Variants in TRPS1 observed in about 807,000 individuals in gnomAD.
The protein encoded by TRPS1 is transcriptional repressor GATA binding 1.
A neutral mutation model predicts 101.2 loss-of-function variants in TRPS1; 6 were observed. The ratio of observed to expected loss-of-function variants is 0.06; its 90% CI spans 0.03 to 0.12. The LOEUF is 0.12. TRPS1 is among the 10% of genes least tolerant of loss of function. TRPS1 has a pLI of 1.00. For synonymous variants in TRPS1, 578 were observed against 589.8 expected, an observed-to-expected ratio of 0.98 and a Z score of 0.29; for missense variants, 1,363 against 1,567.0, an observed-to-expected ratio of 0.87 and a Z score of 2.20.
intron 5 of TRPS1, among the ~76,000 whole-genome samples, chr8:115,508,916 T>C (rs1051543934): frequency 6.6e-6 from 1 of 151,924 alleles, no homozygotes; most frequent in Admixed American, 6.6e-5. Flanking sequence ...CTGGAAACAT[T>C]TGGACTCTAT....
intron 5 of TRPS1, among the ~76,000 whole-genome samples, chr8:115,501,004 T>TG (rs1203667514): frequency 0.11 from 19 of 168 alleles, no homozygotes; most frequent in Admixed American, 0.29. Flanking sequence ...ATAGGTAATT[T>TG]ATTCATCTTG....
Position 115,619,449 on chromosome 8 carries a change from A to G in TRPS1, c.649T>C (p.Leu217=). 6.2e-7 allele frequency: 1 copy of G among 1,614,156 alleles called. No homozygotes were observed. The highest frequency in any genetic ancestry group is 8.5e-7 in the Non-Finnish European group (1 of 1,180,034). Residue 217 remains leucine, a synonymous_variant, in exon 3 of 7, where the codon TTA becomes CTA. Coordinates refer to ENST00000395715, the MANE Select transcript of TRPS1 (RefSeq NM_014112.5). The part of the protein sequence containing the change: ...GVRLNKSKTD[L]LVNDNPDPAP... ...GGGTCTGGGTTGTCATTCACCAGTA[A>G]GTCAGTTTTGGATTTATTCAGTCTT...
chr8:115,465,884 T>A (rs1814305319), intron 5 of TRPS1, among the ~76,000 whole-genome samples: 1 of 152,170 alleles, frequency 6.6e-6, no homozygotes, highest in East Asian at 1.9e-4. Flanking sequence ...AAATTTAAAA[T>A]TAAATATGTA....
rs200803130 is a variant in TRPS1 at position 115,587,146 on chromosome 8, G to T, written c.2555C>A (p.Ala852Glu). Residue 852 changes from alanine to glutamate, a missense_variant, in exon 5 of 7, where the codon GCG (alanine) becomes GAG (glutamate). Transcript: ENST00000395715. ...CACAGCCAAGCCATAAATAGGTCGC[G>T]CCAGATGGGCGGCCTCCACATTGGG... ...DSPNVEAAHL[A>E]RPIYGLAVET... 5.6e-6 allele frequency: 9 copies of T among 1,614,114 alleles called. No individual in the cohort carries two copies. Among genetic ancestry groups the T allele is most frequent in the Non-Finnish European group, 7.6e-6 (9 of 1,180,006 alleles).
intron 5 of TRPS1, among the ~76,000 whole-genome samples, chr8:115,527,609 A>AT (rs975315266): frequency 1.3e-5 from 2 of 152,082 alleles, no homozygotes; most frequent in Non-Finnish European, 2.9e-5. Context: ...CTAATGGGCA[A>AT]TTTATAATAA....
intron 5 of TRPS1, among the ~76,000 whole-genome samples, chr8:115,485,233 T>C (rs952499912): frequency 2.0e-5 from 3 of 152,206 alleles, no homozygotes; most frequent in Non-Finnish European, 4.4e-5. Flanking sequence ...CCATAGGGGC[T>C]TGACAGTGGT....
chr8:115,439,551 A>C (rs961420553), intron 5 of TRPS1, among the ~76,000 whole-genome samples: 3 of 152,198 alleles, frequency 2.0e-5, no homozygotes, highest in African/African-American at 7.2e-5. Flanking sequence ...TTTAATAGTG[A>C]AAAAGTTACA....
At chr8:115,533,038 A>G (rs1458742699) in intron 5 of TRPS1, among the ~76,000 whole-genome samples, 1 of 152,224 alleles carries the variant, frequency 6.6e-6, no homozygotes, top group Admixed American at 6.5e-5. Context: ...GGAGTGAAAC[A>G]GAAGATAAAT....
intron 1 of TRPS1, among the ~76,000 whole-genome samples, chr8:115,630,111 T>C (rs1273018615): frequency 6.6e-6 from 1 of 151,932 alleles, no homozygotes; most frequent in Non-Finnish European, 1.5e-5. Context: ...CTTAAATTAA[T>C]TGTAAACACA....
chr8:115,634,604 T>C (rs889550933), intron 1 of TRPS1, among the ~76,000 whole-genome samples: 6 of 152,166 alleles, frequency 3.9e-5, no homozygotes, highest in African/African-American at 1.4e-4. Context: ...TATCACCATC[T>C]TCATACCTGC....
At chr8:115,535,730 A>C (rs1057135068) in intron 5 of TRPS1, among the ~76,000 whole-genome samples, 1 of 150,892 alleles carries the variant, frequency 6.6e-6, no homozygotes, top group African/African-American at 2.4e-5. Context: ...ATATATGCTA[A>C]GTTTTTTCAT....
chr8:115,504,372 T>C (rs554887248), intron 5 of TRPS1, among the ~76,000 whole-genome samples: 1 of 152,324 alleles, frequency 6.6e-6, no homozygotes, highest in Non-Finnish European at 1.5e-5. Context: ...TATAGAATGA[T>C]ACATGGGTGG....
chr8:115,508,624 TTGAGGATAA>T (rs1023816701), intron 5 of TRPS1, among the ~76,000 whole-genome samples: 1 of 151,994 alleles, frequency 6.6e-6, no homozygotes, highest in African/African-American at 2.4e-5. Flanking sequence ...TCAGTTCTGC[TTGAGGATAA>T]TCCAAAGGAT....
intron 5 of TRPS1, among the ~76,000 whole-genome samples, chr8:115,556,837 A>T (rs1481072949): frequency 6.6e-6 from 1 of 152,090 alleles, no homozygotes; most frequent in East Asian, 1.9e-4. Flanking sequence ...GCTTCCTATT[A>T]CCTCATCCCT....
intron 5 of TRPS1, among the ~76,000 whole-genome samples, chr8:115,551,229 T>C (rs948228218): frequency 1.4e-4 from 22 of 152,228 alleles, no homozygotes; most frequent in African/African-American, 5.3e-4. Context: ...TATCCCATGA[T>C]TTTATGATAG....
intron 5 of TRPS1, among the ~76,000 whole-genome samples, chr8:115,579,907 T>C (rs1387337872): frequency 8.9e-6 from 1 of 112,528 alleles, no homozygotes; most frequent in East Asian, 2.9e-4. Flanking sequence ...ATCACAAGTG[T>C]GCTGTCATCA....
rs565026701 is a variant in TRPS1 at position 115,639,060 on chromosome 8, T to TTTTA, written c.-121-15306_-121-15303dup. ...ACAGATCAATTCAATCACTATATGA[T>TTTTA]TTTATTTATTTATTTATTTCTGAAA... On this transcript the variant is annotated intron_variant, in intron 1 of 6. Coordinates refer to ENST00000395715, the MANE Select transcript of TRPS1 (RefSeq NM_014112.5). 3.8e-3 allele frequency among the ~76,000 whole-genome samples: 581 copies of TTTTA among 152,092 alleles called. 4 individuals are homozygous for TTTTA. Among genetic ancestry groups the TTTTA allele is most frequent in the South Asian group, 0.015 (70 of 4,802 alleles).
At chr8:115,537,100 G>C (rs1442477030) in intron 5 of TRPS1, among the ~76,000 whole-genome samples, 1 of 151,866 alleles carries the variant, frequency 6.6e-6, no homozygotes, top group Non-Finnish European at 1.5e-5. Flanking sequence ...AATGAAGTTT[G>C]CTTTAAATTT....
chr8:115,436,929 T>C (rs200667985), intron 5 of TRPS1, among the ~76,000 whole-genome samples: 4 of 136,490 alleles, frequency 2.9e-5, no homozygotes, highest in African/African-American at 1.0e-4. Flanking sequence ...CAGTAAAAAA[T>C]AAAAAAAAAG....
Sources: gnomAD v4.1 joint callset for allele counts (sites outside exome capture counted in the v4.1 genomes callset) on GRCh38, gnomAD v4.1.1 for gene constraint, MANE v1.5 for transcripts, NCBI Gene and HGNC (gene_info 2026-07-23, HGNC 2026-07-21) for gene names.